DMD: variants seen among roughly 807,000 people sequenced by gnomAD.
DMD encodes mutant dystrophin.
Under a neutral mutation model 330.1 loss-of-function variants are expected in DMD, and 63 were observed. The observed-to-expected ratio is 0.19, with a 90% confidence interval of 0.16 to 0.24. DMD has a LOEUF of 0.24. Ranked by LOEUF, DMD falls within the 10% of genes least tolerant of loss-of-function variation. The pLI is 1.00. For synonymous variants in DMD, 1,223 were observed against 959.8 expected (o/e 1.27, Z -5.07); for missense variants, 3,344 against 2,684.1 (o/e 1.25, Z -5.43).
chrX:31,216,593 G>C (rs760924813), intron 64 of DMD, among the ~76,000 whole-genome samples: 2 of 112,071 alleles, frequency 1.8e-5, no homozygotes, highest in Admixed American at 9.4e-5. Flanking sequence ...CTGGCCTCTC[G>C]AGACCCCCTT....
At chrX:31,814,076 T>C (rs1287025877) in intron 50 of DMD, among the ~76,000 whole-genome samples, 6 of 110,873 alleles carry the variant, frequency 5.4e-5, no homozygotes, top group Admixed American at 4.8e-4. Flanking sequence ...AACTGAGATA[T>C]CAGAATTTAG....
At chrX:31,773,255 A>C (rs753612865) in intron 51 of DMD, among the ~76,000 whole-genome samples, 1 of 112,223 alleles carries the variant, frequency 8.9e-6, no homozygotes, top group Non-Finnish European at 1.9e-5. Context: ...AAAGATATAT[A>C]GTATATTTGA....
intron 62 of DMD, among the ~76,000 whole-genome samples, chrX:31,265,915 T>A (rs2051016704): frequency 9.2e-6 from 1 of 108,173 alleles, no homozygotes; most frequent in Non-Finnish European, 1.9e-5. Context: ...TTAAATCGGA[T>A]GGATTTTTTT....
At chrX:31,306,646 C>A (rs1237973030) in intron 62 of DMD, among the ~76,000 whole-genome samples, 1 of 111,611 alleles carries the variant, frequency 9.0e-6, no homozygotes, top group East Asian at 2.8e-4. Flanking sequence ...GACAAGTAAA[C>A]CAAATTCCTA....
At chrX:33,250,110 T>TATATATATATA (rs748598265) in intron 1 of DMD, among the ~76,000 whole-genome samples, 15 of 97,871 alleles carry the variant, frequency 1.5e-4, no homozygotes, top group African/African-American at 5.9e-4. Context: ...TATATATATA[T>TATATATATATA]ATCAATGTAC....
chrX:31,435,601 T>C (rs1196098792), intron 60 of DMD: 1 of 112,086 alleles, frequency 8.9e-6, no homozygotes, highest in African/African-American at 3.2e-5. Flanking sequence ...CATTCCCCTT[T>C]ATGGAGTTGG....
At chrX:32,511,767 A>G (rs1161294757) in intron 18 of DMD, among the ~76,000 whole-genome samples, 1 of 111,034 alleles carries the variant, frequency 9.0e-6, no homozygotes, top group African/African-American at 3.3e-5. Flanking sequence ...ATGTGTCTAC[A>G]TGCATATACA....
intron 59 of DMD, among the ~76,000 whole-genome samples, chrX:31,450,096 C>A (rs976832538): frequency 1.8e-5 from 2 of 110,432 alleles, no homozygotes; most frequent in Non-Finnish European, 3.8e-5. Context: ...GTTTGTTAAC[C>A]AAGACTCTTG....
chrX:32,668,989 G>T (rs2061479552), intron 9 of DMD, among the ~76,000 whole-genome samples: 1 of 111,044 alleles, frequency 9.0e-6, no homozygotes, highest in Non-Finnish European at 1.9e-5. Context: ...ATTTTATATA[G>T]CACATTGTAT....
intron 60 of DMD, among the ~76,000 whole-genome samples, chrX:31,392,464 T>C (rs1041317501): frequency 1.8e-5 from 2 of 112,448 alleles, no homozygotes; most frequent in African/African-American, 3.2e-5. Flanking sequence ...CTGTTCCTGC[T>C]GTGACAACAA....
At chrX:31,161,454 T>C (rs1353029157) in intron 74 of DMD, among the ~76,000 whole-genome samples, 1 of 112,075 alleles carries the variant, frequency 8.9e-6, no homozygotes, top group Non-Finnish European at 1.9e-5. Context: ...TAGAATTCAG[T>C]ATGTCTGATA....
intron 2 of DMD, among the ~76,000 whole-genome samples, chrX:32,922,714 A>T (rs973297525): frequency 1.8e-4 from 20 of 112,175 alleles, no homozygotes; most frequent in Non-Finnish European, 3.4e-4. Flanking sequence ...CCTGGTTTCT[A>T]ACAGGTCACG....
chrX:32,896,043 T>C (rs1347578287), intron 2 of DMD, among the ~76,000 whole-genome samples: 2 of 111,507 alleles, frequency 1.8e-5, no homozygotes, highest in African/African-American at 6.5e-5. Context: ...TAAGAAAAAT[T>C]AAATCTAAGA....
chrX:32,766,306 T>C (rs897816826), intron 7 of DMD, among the ~76,000 whole-genome samples: 1 of 111,441 alleles, frequency 9.0e-6, no homozygotes, highest in Non-Finnish European at 1.9e-5. Flanking sequence ...TCAACAACAA[T>C]ATTGAGTGTT....
chrX:32,619,526 T>G (rs995485523), intron 11 of DMD, among the ~76,000 whole-genome samples: 1 of 112,115 alleles, frequency 8.9e-6, no homozygotes, highest in African/African-American at 3.2e-5. Context: ...TGTTCCACAA[T>G]ATATATTTAC....
chrX:33,283,186 G>A (rs187905809), intron 1 of DMD, among the ~76,000 whole-genome samples: 1 of 112,264 alleles, frequency 8.9e-6, no homozygotes, highest in East Asian at 2.8e-4. Context: ...TGCGTGTAGA[G>A]TAGCTGGTAA....
At chrX:31,996,256 G>A (rs1228673044) in intron 44 of DMD, among the ~76,000 whole-genome samples, 1 of 111,923 alleles carries the variant, frequency 8.9e-6, no homozygotes, top group African/African-American at 3.2e-5. Context: ...TAGGTAAAGT[G>A]GTTCTCAACA....
intron 44 of DMD, among the ~76,000 whole-genome samples, chrX:32,213,144 C>T (rs760185940): frequency 3.6e-5 from 4 of 112,261 alleles, no homozygotes; most frequent in African/African-American, 1.3e-4. Flanking sequence ...CAGACTCCAA[C>T]GTGCTTCTGC....
intron 43 of DMD, among the ~76,000 whole-genome samples, chrX:32,273,153 C>A (rs145470429): frequency 0.014 from 1,548 of 110,140 alleles, 27 homozygotes; most frequent in African/African-American, 0.048. Context: ...CTTATATTGG[C>A]AGAATTTAGT....
Sources: gnomAD v4.1 joint callset for allele counts (sites outside exome capture counted in the v4.1 genomes callset) on GRCh38, gnomAD v4.1.1 for gene constraint, MANE v1.5 for transcripts, NCBI Gene and HGNC (gene_info 2026-07-23, HGNC 2026-07-21) for gene names.